APPBP2: variants seen among roughly 807,000 people sequenced by gnomAD.
The protein encoded by APPBP2 is amyloid beta precursor protein binding protein 2, also known as amyloid protein-binding protein 2.
APPBP2 carries 15 observed loss-of-function variants against 76.0 expected under a neutral mutation model. The observed-to-expected ratio is 0.20, with a 90% CI of 0.13 to 0.30. The LOEUF (loss-of-function observed/expected upper bound fraction) is 0.30, where lower values mean the gene tolerates loss of function less well. APPBP2 is among the 10% of genes least tolerant of loss of function. APPBP2 has a pLI of 1.00. For missense variants in APPBP2, 401 were observed against 687.2 expected, an observed-to-expected ratio of 0.58 and a Z score of 4.66; for synonymous variants, 222 against 242.2, an observed-to-expected ratio of 0.92 and a Z score of 0.77.
intron 4 of APPBP2, among the ~76,000 whole-genome samples, chr17:60,470,793 ATTTT>A (rs375651282): frequency 6.0e-5 from 7 of 117,354 alleles, no homozygotes; most frequent in African/African-American, 9.1e-5. Flanking sequence ...GCCAGACTGG[ATTTT>A]TTTTTTTTTT....
At chr17:60,517,676 C>T (rs575886469) in intron 1 of APPBP2, among the ~76,000 whole-genome samples, 2 of 152,250 alleles carry the variant, frequency 1.3e-5, no homozygotes, top group South Asian at 4.1e-4. Flanking sequence ...TATCATAATA[C>T]AGGTGATAGT....
rs1567946733 is a variant in APPBP2 at position 60,525,891 on chromosome 17, T to C, written c.41A>G (p.Tyr14Cys). The C allele has an allele frequency of 6.2e-7, 1 of 1,614,032 alleles. No individual in the cohort carries two copies. Among genetic ancestry groups the C allele is most frequent in the South Asian group, 1.1e-5 (1 of 91,064 alleles). Residue 14 changes from tyrosine to cysteine, a missense_variant, in exon 1 of 13, where the codon TAT becomes TGT. Tyr to Cys is a radical substitution (Grantham distance 194). Around this residue, in one of 5 missense-constraint regions of APPBP2, gnomAD observed 149 missense variants for 198.4 expected, o/e 0.75. Coordinates refer to ENST00000083182, the MANE Select transcript of APPBP2 (RefSeq NM_006380.5). ...CACGACAGCGGAGATGGCGGTGTTA[T>C]AGAGAGTCTCTGGGATCCACTCTAG... Reference protein sequence around the residue: ...VELEWIPETLYNTAISAVVDN... With the variant: ...VELEWIPETLCNTAISAVVDN...
Position 60,525,993 on chromosome 17 carries a change from G to A in APPBP2, c.-62C>T. The A allele has an allele frequency of 6.7e-7, 1 of 1,487,880 alleles. No homozygotes were observed. The allele number at this position is 1,487,880 out of a possible 1,614,324, so 92.2% of individuals were successfully genotyped here. A position where few individuals can be genotyped will look rare whatever the true frequency, so the allele number is the denominator to read the frequency against. On this transcript the variant is annotated 5_prime_UTR_variant, in exon 1 of 13. In the 5' UTR this introduces an upstream ATG that the reference lacks. Coordinates refer to ENST00000083182, the MANE Select transcript of APPBP2 (RefSeq NM_006380.5). Reference sequence around the variant, plus strand: ...CTCCCGAAGGCCCCCACCTCCCTCCGTAGCGAACCCCTCTGCGGCCCCGGA... The same window carrying A: ...CTCCCGAAGGCCCCCACCTCCCTCCATAGCGAACCCCTCTGCGGCCCCGGA...
At chr17:60,487,329 CCAAT>C (rs2090688035) in intron 3 of APPBP2, among the ~76,000 whole-genome samples, 1 of 152,172 alleles carries the variant, frequency 6.6e-6, no homozygotes, top group African/African-American at 2.4e-5. Context: ...TTCGGGTACA[CCAAT>C]CAAACGTAGA....
intron 1 of APPBP2, among the ~76,000 whole-genome samples, chr17:60,522,625 T>C (rs949012552): frequency 1.3e-5 from 2 of 152,156 alleles, no homozygotes; most frequent in African/African-American, 4.8e-5. Flanking sequence ...TTTACATCTT[T>C]AATTCTTTTG....
chr17:60,495,096 C>T (rs200616639), intron 2 of APPBP2, among the ~76,000 whole-genome samples: 14 of 151,012 alleles, frequency 9.3e-5, no homozygotes, highest in South Asian at 4.2e-4. Context: ...GCGATTCTCC[C>T]GCCTCAGCCT....
intron 1 of APPBP2, among the ~76,000 whole-genome samples, chr17:60,501,559 A>AT (rs532037776): frequency 1.5e-4 from 22 of 149,404 alleles, no homozygotes; most frequent in Non-Finnish European, 2.1e-4. Context: ...ACCATGCCTA[A>AT]TTTTTTTTTT....
chr17:60,517,693 G>A (rs1051528687), intron 1 of APPBP2, among the ~76,000 whole-genome samples: 1 of 152,076 alleles, frequency 6.6e-6, no homozygotes, highest in Non-Finnish European at 1.5e-5. Context: ...TAGTATATGT[G>A]TCAGTCTGTT....
intron 3 of APPBP2, among the ~76,000 whole-genome samples, chr17:60,481,106 C>A (rs2090624905): frequency 6.6e-6 from 1 of 152,196 alleles, no homozygotes; most frequent in African/African-American, 2.4e-5. Flanking sequence ...ACCTCTGAGG[C>A]ACCAGTAACA....
chr17:60,490,801 C>T (rs1013749274), intron 3 of APPBP2, among the ~76,000 whole-genome samples: 4 of 152,150 alleles, frequency 2.6e-5, no homozygotes, highest in Non-Finnish European at 4.4e-5. Flanking sequence ...GGGGTTTCCC[C>T]TTTCATTTGG....
At chr17:60,521,301 T>C (rs1230766088) in intron 1 of APPBP2, among the ~76,000 whole-genome samples, 1 of 152,200 alleles carries the variant, frequency 6.6e-6, no homozygotes, top group African/African-American at 2.4e-5. Flanking sequence ...TGTAGTTGAA[T>C]TACTTTATTT....
In APPBP2 at chr17:60,447,850, A is replaced by C; in HGVS notation, c.1505-16T>G. ...AGTTTCTTCCCTGTAACAAAAAAGA[A>C]AAAGGAAAAAAAAAAAAGCACAAAT... On this transcript the variant is annotated splice_polypyrimidine_tract_variant and intron_variant, in intron 12 of 12. Coordinates refer to ENST00000083182, the MANE Select transcript of APPBP2 (RefSeq NM_006380.5). 13 of 1,553,814 alleles carry C rather than the reference A, an allele frequency of 8.4e-6. No individual in the cohort carries two copies. The highest frequency in any genetic ancestry group is 1.1e-5 in the Non-Finnish European group (13 of 1,154,364).
At position 60,446,120 on chromosome 17, in the gene APPBP2, G is replaced by C. The variant is rs1044845225; in HGVS notation, c.*1461C>G. On this transcript the variant is annotated 3_prime_UTR_variant, in exon 13 of 13. Coordinates refer to ENST00000083182, the MANE Select transcript of APPBP2 (RefSeq NM_006380.5). Reference sequence around the variant, plus strand: ...CACCCACAGACTACTCCAAGCATTAGCTAGGAGCAACATCTTTAACAGCCA... The same window carrying C: ...CACCCACAGACTACTCCAAGCATTACCTAGGAGCAACATCTTTAACAGCCA... 4 of 152,294 alleles carry C rather than the reference G, an allele frequency of 2.6e-5. No homozygotes were observed. Among genetic ancestry groups the C allele is most frequent in the African/African-American group, 9.7e-5 (4 of 41,400 alleles). 9.4% of individuals were successfully genotyped at this position (152,294 alleles called of 1,614,324 possible).
At chr17:60,500,663 C>T (rs2090815955) in intron 1 of APPBP2, among the ~76,000 whole-genome samples, 176 bp from the exon 2 acceptor site, 1 of 152,052 alleles carries the variant, frequency 6.6e-6, no homozygotes, top group South Asian at 2.1e-4. Context: ...TGCATATAAT[C>T]GTTACAAATT....
At chr17:60,474,210 G>A (rs545127359) in intron 4 of APPBP2, among the ~76,000 whole-genome samples, 6 of 147,720 alleles carry the variant, frequency 4.1e-5, no homozygotes, top group East Asian at 2.0e-4. Flanking sequence ...TTTGCTCGTC[G>A]CCCAGGTTGG....
At chr17:60,511,883 T>C (rs979006611) in intron 1 of APPBP2, among the ~76,000 whole-genome samples, 7 of 152,090 alleles carry the variant, frequency 4.6e-5, no homozygotes, top group Non-Finnish European at 1.5e-5. Flanking sequence ...TATAAAGATA[T>C]ATTTTTTCCC....
At chr17:60,513,285 C>T in intron 1 of APPBP2, 1 of 493,954 alleles carries the variant, frequency 2.0e-6, no homozygotes, top group East Asian at 3.9e-5. Context: ...ACAGCTCAAT[C>T]AATGTATATT....
In APPBP2 at chr17:60,505,777, G is replaced by A. The variant is rs530679747; in HGVS notation, c.139-5290C>T. ...CTTGGGATCACTACCTCTGCCTCCC[G>A]GGTTCAAGCAATTCTCATGCCTCAG... is the stretch of plus-strand genomic sequence containing the variant. On this transcript the variant is annotated intron_variant, in intron 1 of 12. Transcript: ENST00000083182. Among the ~76,000 whole-genome samples, 37 of 133,614 alleles carry A rather than the reference G, an allele frequency of 2.8e-4. No homozygotes were observed. In the South Asian group the frequency reaches 8.6e-3, roughly 31 times the overall value. 87.7% of individuals were successfully genotyped at this position (133,614 alleles called of 152,430 possible).
At chr17:60,460,506 C>T in intron 9 of APPBP2, 157 bp downstream of exon 9, 1 of 700,216 alleles carries the variant, frequency 1.4e-6, no homozygotes, top group Non-Finnish European at 2.1e-6. Flanking sequence ...ACTTCAAGAA[C>T]ATTTTAGGCA....
Sources: gnomAD v4.1 joint callset for allele counts (sites outside exome capture counted in the v4.1 genomes callset) on GRCh38, gnomAD v4.1.1 for gene constraint, gnomAD v4.1.1 regional missense constraint, MANE v1.5 for transcripts, NCBI Gene and HGNC (gene_info 2026-07-23, HGNC 2026-07-21) for gene names.